The following CACNA2D1 variants were observed in gnomAD, a reference collection of about 807,000 sequenced individuals.
The protein encoded by CACNA2D1 is voltage-dependent calcium channel subunit alpha-2/delta-1.
In CACNA2D1, 53 loss-of-function variants were observed where a neutral mutation model predicts 171.5. The observed-to-expected ratio is 0.31, with a 90% CI of 0.25 to 0.39. The LOEUF (loss-of-function observed/expected upper bound fraction) is 0.39, where lower values mean the gene tolerates loss of function less well. CACNA2D1 is among the 10% of genes least tolerant of loss of function. The pLI, the probability that CACNA2D1 is intolerant of heterozygous loss-of-function variation, is 1.00. For synonymous variants in CACNA2D1, 442 were observed against 443.1 expected (o/e 1.00, Z 0.03); for missense variants, 903 against 1,299.8 (o/e 0.69, Z 4.69).
chr7:82,180,681 G>C (rs1239371769), intron 3 of CACNA2D1, among the ~76,000 whole-genome samples: 1 of 152,130 alleles, frequency 6.6e-6, no homozygotes, highest in East Asian at 1.9e-4. Context: ...CTATGGGACG[G>C]GTAAGATACA....
At chr7:82,286,935 C>T (rs2129387506) in intron 3 of CACNA2D1, among the ~76,000 whole-genome samples, 1 of 152,172 alleles carries the variant, frequency 6.6e-6, no homozygotes, top group South Asian at 2.1e-4. Flanking sequence ...CACAGCAGGT[C>T]CAGGGCATGA....
chr7:82,187,541 A>G (rs1797892400), intron 3 of CACNA2D1, among the ~76,000 whole-genome samples: 1 of 140,620 alleles, frequency 7.1e-6, no homozygotes, highest in South Asian at 2.3e-4. Context: ...AATCACATAC[A>G]TGGATAAACA....
intron 10 of CACNA2D1, among the ~76,000 whole-genome samples, chr7:82,059,950 ATC>A (rs1806413081): frequency 1.1e-5 from 1 of 88,128 alleles, no homozygotes; most frequent in Non-Finnish European, 2.1e-5. Context: ...GAACAATGAG[ATC>A]ACATGGACAC....
intron 26 of CACNA2D1, among the ~76,000 whole-genome samples, 146 bp downstream of exon 26, chr7:81,971,608 CACCCACAACTGAAAATGCAAGTT>C: frequency 6.6e-6 from 1 of 151,678 alleles, no homozygotes; most frequent in Admixed American, 6.6e-5. Flanking sequence ...TACTGAAAAA[CACCCACAACTGAAAATGCAAGTT>C]GTCAACAACT....
At chr7:82,388,273 G>A (rs1468783677) in intron 1 of CACNA2D1, among the ~76,000 whole-genome samples, 5 of 152,094 alleles carry the variant, frequency 3.3e-5, no homozygotes, top group Non-Finnish European at 7.3e-5. Flanking sequence ...CACAATCAAA[G>A]GAGATCATGG....
intron 3 of CACNA2D1, among the ~76,000 whole-genome samples, chr7:82,281,419 C>T (rs1052435543): frequency 2.6e-5 from 4 of 152,150 alleles, no homozygotes; most frequent in Admixed American, 6.6e-5. Flanking sequence ...GTTCAAGAGA[C>T]AGCCACAATG....
intron 29 of CACNA2D1, 48 bp from the exon 30 acceptor site, chr7:81,967,711 C>T: frequency 3.6e-6 from 3 of 837,296 alleles, no homozygotes; most frequent in East Asian, 5.3e-5. Context: ...AGATGTAATA[C>T]AACCTTTGCA....
chr7:82,419,199 G>A (rs1049093244), intron 1 of CACNA2D1, among the ~76,000 whole-genome samples: 2 of 151,562 alleles, frequency 1.3e-5, no homozygotes, highest in Non-Finnish European at 2.9e-5. Context: ...TTACTGTTTT[G>A]GGGTCTCTGT....
At chr7:82,038,494 T>G (rs1237407130) in intron 10 of CACNA2D1, among the ~76,000 whole-genome samples, 2 of 152,152 alleles carry the variant, frequency 1.3e-5, no homozygotes, top group Admixed American at 1.3e-4. Context: ...GAGAATTAAA[T>G]TATATGACAT....
At chr7:81,956,735 G>A (rs1266831923) in intron 38 of CACNA2D1, among the ~76,000 whole-genome samples, 1 of 151,910 alleles carries the variant, frequency 6.6e-6, no homozygotes, top group African/African-American at 2.4e-5. Context: ...TCCATCTAGT[G>A]GCTTCCTAAT....
chr7:82,395,591 A>C (rs1370866067), intron 1 of CACNA2D1, among the ~76,000 whole-genome samples: 1 of 152,204 alleles, frequency 6.6e-6, no homozygotes, highest in African/African-American at 2.4e-5. Context: ...TCTAAAAGTG[A>C]CTGAGGAACT....
intron 20 of CACNA2D1, among the ~76,000 whole-genome samples, chr7:81,994,313 T>TG (rs1013574798): frequency 2.0e-5 from 3 of 152,036 alleles, no homozygotes; most frequent in African/African-American, 7.2e-5. Flanking sequence ...CAATTATTTG[T>TG]GGGGGTAGTT....
intron 3 of CACNA2D1, among the ~76,000 whole-genome samples, chr7:82,279,314 TTATG>T (rs1307644084): frequency 6.6e-6 from 1 of 152,202 alleles, no homozygotes; most frequent in Admixed American, 6.5e-5. Context: ...ATTTATTTAT[TTATG>T]TATGTATTTA....
At position 82,089,979 on chromosome 7, in the gene CACNA2D1, TG is replaced by T. The variant is rs548332956; in HGVS notation, c.527-5080del. Among the ~76,000 whole-genome samples the T allele has an allele frequency of 1.4e-4, 22 of 152,342 alleles. No homozygotes were observed. In the South Asian group the frequency reaches 4.6e-3, roughly 32 times the overall value. ...TATTTATAATGTCAACTACAGCTTTTGTAACAGCTTTGAGATGTCATTGACA... is the reference window on the plus strand; with the variant it reads ...TATTTATAATGTCAACTACAGCTTTTTAACAGCTTTGAGATGTCATTGACA... On this transcript the variant is annotated intron_variant, in intron 6 of 38. Coordinates refer to ENST00000356860, the MANE Select transcript of CACNA2D1 (RefSeq NM_000722.4).
chr7:81,949,025 C>G lies in CACNA2D1; in HGVS notation c.*1367G>C, dbSNP rs1199099697. On this transcript the variant is annotated 3_prime_UTR_variant, in exon 39 of 39. Coordinates refer to ENST00000356860, the MANE Select transcript of CACNA2D1 (RefSeq NM_000722.4). ...TATTTGTTCAGATTATTGTAAAACCCTTATCAACTTGCATGGAAATTTTGG... is the reference window on the plus strand; with the variant it reads ...TATTTGTTCAGATTATTGTAAAACCGTTATCAACTTGCATGGAAATTTTGG... The G allele has an allele frequency of 6.6e-6, 1 of 151,870 alleles. No individual in the cohort carries two copies. Among genetic ancestry groups the G allele is most frequent in the African/African-American group, 2.4e-5 (1 of 41,410 alleles). 9.4% of individuals were successfully genotyped at this position (151,870 alleles called of 1,614,324 possible).
chr7:82,290,461 G>A (rs559507549), intron 3 of CACNA2D1, among the ~76,000 whole-genome samples: 1 of 151,164 alleles, frequency 6.6e-6, no homozygotes, highest in Admixed American at 6.6e-5. Context: ...ATATAAGAAA[G>A]CAATATAAAT....
chr7:82,145,066 G>A (rs2129094814), intron 4 of CACNA2D1, among the ~76,000 whole-genome samples: 1 of 151,406 alleles, frequency 6.6e-6, no homozygotes, highest in African/African-American at 2.4e-5. Context: ...ATGACCCAGT[G>A]AGTTAAATAT....
chr7:82,061,775 C>T (rs10242428), intron 9 of CACNA2D1, among the ~76,000 whole-genome samples: 24,452 of 152,076 alleles, frequency 0.16, 2,217 homozygotes, highest in African/African-American at 0.22. Flanking sequence ...ACTAGGATAT[C>T]AGTGCTGCTA....
In CACNA2D1 at chr7:82,120,569, C is replaced by T. The variant is rs530378856; in HGVS notation, c.397-3396G>A. Among the ~76,000 whole-genome samples the T allele has an allele frequency of 3.3e-5, 5 of 150,478 alleles. 2 individuals are homozygous for T. The highest frequency in any genetic ancestry group is 1.2e-4 in the African/African-American group (5 of 41,400). ...CTGGCATACTGGGATACTGGATCAA[C>T]ACTATGGATTAAAAAGTAAAGTTTA... On this transcript the variant is annotated intron_variant, in intron 5 of 38. Transcript: ENST00000356860.
Sources: gnomAD v4.1 joint callset for allele counts (sites outside exome capture counted in the v4.1 genomes callset) on GRCh38, gnomAD v4.1.1 for gene constraint, MANE v1.5 for transcripts, NCBI Gene and HGNC (gene_info 2026-07-23, HGNC 2026-07-21) for gene names.